WWOX: variants seen among roughly 807,000 people sequenced by gnomAD.
WWOX encodes WW domain containing oxidoreductase.
WWOX carries 69 observed loss-of-function variants against 46.2 expected under a neutral mutation model. The observed-to-expected ratio is 1.49, with a 90% confidence interval of 1.23 to 1.82. WWOX has a LOEUF of 1.82. WWOX is among the 40% of genes most tolerant of loss of function. The probability of loss-of-function intolerance (pLI) is 0.00; values close to 1 mark genes in which losing one functional copy is unlikely to be tolerated. For synonymous variants in WWOX, 359 were observed against 202.6 expected (o/e 1.77, Z -6.56); for missense variants, 919 against 542.6 (o/e 1.69, Z -6.89).
intron 8 of WWOX, among the ~76,000 whole-genome samples, chr16:78,807,139 A>G (rs964257167): frequency 6.6e-6 from 1 of 152,202 alleles, no homozygotes; most frequent in African/African-American, 2.4e-5. Context: ...TTGAATTGGA[A>G]TCTGCACATT....
chr16:79,198,976 T>C (rs2051294197), intron 8 of WWOX, among the ~76,000 whole-genome samples: 1 of 152,188 alleles, frequency 6.6e-6, no homozygotes, highest in Admixed American at 6.5e-5. Context: ...TAGAGCCATG[T>C]GATTTGGTTC....
At chr16:78,521,151 T>G (rs1009819583) in intron 8 of WWOX, among the ~76,000 whole-genome samples, 3 of 152,228 alleles carry the variant, frequency 2.0e-5, no homozygotes, top group African/African-American at 7.2e-5. Context: ...ACTTAATTCT[T>G]CATTCCAGTG....
In WWOX at chr16:78,390,457, T is replaced by C. The variant is rs143361403; in HGVS notation, c.605+3509T>C. On this transcript the variant is annotated intron_variant, in intron 6 of 8. Transcript: ENST00000566780. Reference sequence around the variant, plus strand: ...ACTTTGGAATTTTAGAAAGTACTTCTAGGTTGAGAAACAAGGGTGATTTTC... The same window carrying C: ...ACTTTGGAATTTTAGAAAGTACTTCCAGGTTGAGAAACAAGGGTGATTTTC... Among the ~76,000 whole-genome samples the C allele has an allele frequency of 2.2e-3, 342 of 152,342 alleles. 1 individual carries two copies. Among genetic ancestry groups the C allele is most frequent in the African/African-American group, 7.7e-3 (322 of 41,580 alleles).
intron 8 of WWOX, among the ~76,000 whole-genome samples, chr16:78,704,565 C>T (rs934039575): frequency 1.3e-5 from 2 of 152,110 alleles, no homozygotes; most frequent in Non-Finnish European, 2.9e-5. Context: ...AAACTCTAAT[C>T]CATAAAAGCC....
At chr16:78,570,218 G>C (rs2044679273) in intron 8 of WWOX, among the ~76,000 whole-genome samples, 1 of 152,214 alleles carries the variant, frequency 6.6e-6, no homozygotes, top group Non-Finnish European at 1.5e-5. Context: ...AAGAATGCTA[G>C]ACTACGGGTC....
intron 8 of WWOX, among the ~76,000 whole-genome samples, chr16:78,679,378 C>T (rs1234881978): frequency 6.6e-6 from 1 of 152,060 alleles, no homozygotes; most frequent in East Asian, 1.9e-4. Context: ...CAGTAAAACC[C>T]TGTCTCTGCT....
At chr16:78,611,653 T>C (rs182638273) in intron 8 of WWOX, among the ~76,000 whole-genome samples, 106 of 152,340 alleles carry the variant, frequency 7.0e-4, no homozygotes, top group African/African-American at 2.5e-3. Flanking sequence ...TTAGCCAGCC[T>C]CTGCATGATT....
chr16:78,884,423 A>G (rs2044410500), intron 8 of WWOX, among the ~76,000 whole-genome samples: 2 of 152,150 alleles, frequency 1.3e-5, no homozygotes, highest in African/African-American at 4.8e-5. Context: ...ATTACTCAAG[A>G]CATCTGGTAA....
chr16:78,673,025 A>G (rs977338294), intron 8 of WWOX, among the ~76,000 whole-genome samples: 1 of 152,104 alleles, frequency 6.6e-6, no homozygotes, highest in Non-Finnish European at 1.5e-5. Context: ...TAGCTTTGAA[A>G]CCCGTCAATG....
intron 8 of WWOX, among the ~76,000 whole-genome samples, chr16:78,863,636 T>C (rs1362740694): frequency 6.6e-6 from 1 of 152,180 alleles, no homozygotes; most frequent in African/African-American, 2.4e-5. Flanking sequence ...CGAAGTCTCT[T>C]ATTTACTCAG....
At chr16:78,805,934 G>T (rs1248101681) in intron 8 of WWOX, among the ~76,000 whole-genome samples, 1 of 152,072 alleles carries the variant, frequency 6.6e-6, no homozygotes, top group East Asian at 1.9e-4. Flanking sequence ...TTGAACATTA[G>T]GGAATAACAC....
At chr16:79,149,807 T>C (rs886380338) in intron 8 of WWOX, among the ~76,000 whole-genome samples, 1 of 152,200 alleles carries the variant, frequency 6.6e-6, no homozygotes, top group Non-Finnish European at 1.5e-5. Flanking sequence ...CTCAGTTCTG[T>C]TGGCATGGAT....
chr16:78,503,881 A>T (rs1387888524), intron 8 of WWOX: 1 of 152,254 alleles, frequency 6.6e-6, no homozygotes. Flanking sequence ...CCAGTTGAAG[A>T]TTAACATGCA....
At chr16:78,524,420 A>ATTTG (rs1209288770) in intron 8 of WWOX, among the ~76,000 whole-genome samples, 194 of 95,082 alleles carry the variant, frequency 2.0e-3, no homozygotes, top group African/African-American at 5.1e-3. Context: ...TTATTTATTT[A>ATTTG]TTTATTTATT....
At chr16:78,914,818 G>A (rs553722352) in intron 8 of WWOX, among the ~76,000 whole-genome samples, 50 of 148,658 alleles carry the variant, frequency 3.4e-4, no homozygotes, top group African/African-American at 1.2e-3. Context: ...GGCGGAGCTT[G>A]CAGTGAGCCA....
intron 8 of WWOX, among the ~76,000 whole-genome samples, chr16:78,925,390 G>C (rs189741463): frequency 2.0e-5 from 3 of 152,266 alleles, no homozygotes; most frequent in Admixed American, 2.0e-4. Flanking sequence ...TTGTTTGAAA[G>C]GACAGCTCTC....
At chr16:78,662,617 A>G (rs538602837) in intron 8 of WWOX, among the ~76,000 whole-genome samples, 3 of 152,218 alleles carry the variant, frequency 2.0e-5, no homozygotes, top group African/African-American at 7.2e-5. Flanking sequence ...TTATTTTACT[A>G]TTTTTTAAAA....
chr16:78,364,409 G>C (rs1208841527), intron 5 of WWOX, among the ~76,000 whole-genome samples: 1 of 152,186 alleles, frequency 6.6e-6, no homozygotes, highest in Non-Finnish European at 1.5e-5. Context: ...GGAGAAGGCA[G>C]CATTTTTAGT....
At chr16:78,595,474 A>T (rs1011452641) in intron 8 of WWOX, among the ~76,000 whole-genome samples, 5 of 152,196 alleles carry the variant, frequency 3.3e-5, no homozygotes, top group African/African-American at 1.2e-4. Flanking sequence ...TGTCTTTGCA[A>T]CTAACATACT....
Sources: allele counts gnomAD v4.1 joint callset (sites outside exome capture counted in the v4.1 genomes callset), GRCh38; gene constraint gnomAD v4.1.1; transcripts MANE v1.5; gene names NCBI Gene and HGNC (gene_info 2026-07-23, HGNC 2026-07-21).